PALLD: variants seen among roughly 807,000 people sequenced by gnomAD.
PALLD encodes palladin.
In PALLD, 61 loss-of-function variants were observed where a neutral mutation model predicts 123.5. The ratio of observed to expected loss-of-function variants is 0.49; its 90% confidence interval spans 0.40 to 0.61. The LOEUF is 0.61. Among genes scored for constraint, PALLD ranks in the 20% least tolerant of loss-of-function variants. The pLI, the probability that PALLD is intolerant of heterozygous loss-of-function variation, is 0.00. For synonymous variants in PALLD, 465 were observed against 496.4 expected (o/e 0.94, Z 0.84); for missense variants, 1,273 against 1,377.0 (o/e 0.92, Z 1.20).
At chr4:168,499,035 T>C (rs1761044633) in intron 1 of PALLD, among the ~76,000 whole-genome samples, 2 of 151,774 alleles carry the variant, frequency 1.3e-5, no homozygotes, top group South Asian at 4.1e-4. Context: ...TCTGCCTGCA[T>C]TGACAATTTA....
intron 10 of PALLD, among the ~76,000 whole-genome samples, chr4:168,753,394 C>T (rs1365542066): frequency 6.6e-6 from 1 of 151,720 alleles, no homozygotes; most frequent in Admixed American, 6.6e-5. Context: ...CTCTCTCCCC[C>T]GACCCTCTCC....
At chr4:168,760,578 C>T (rs1392526071) in intron 10 of PALLD, among the ~76,000 whole-genome samples, 2 of 152,164 alleles carry the variant, frequency 1.3e-5, no homozygotes, top group Non-Finnish European at 2.9e-5. Flanking sequence ...AGTCTCATCC[C>T]TCCAAATTTC....
intron 2 of PALLD, among the ~76,000 whole-genome samples, chr4:168,559,651 C>T (rs1367239577): frequency 6.6e-6 from 1 of 152,120 alleles, no homozygotes; most frequent in East Asian, 1.9e-4. Context: ...AATCTCAGCA[C>T]TTTGAGAGGC....
At chr4:168,817,069 T>C (rs1742075794) in intron 10 of PALLD, among the ~76,000 whole-genome samples, 1 of 152,126 alleles carries the variant, frequency 6.6e-6, no homozygotes, top group African/African-American at 2.4e-5. Context: ...GGGCAAAGGA[T>C]TTTTGTTTTA....
chr4:168,758,029 C>T (rs1023674339), intron 10 of PALLD, among the ~76,000 whole-genome samples: 3 of 152,284 alleles, frequency 2.0e-5, no homozygotes, highest in Non-Finnish European at 4.4e-5. Flanking sequence ...TGAGATCACG[C>T]AACTACACTC....
chr4:168,734,770 G>A (rs1787560619), intron 10 of PALLD, among the ~76,000 whole-genome samples: 1 of 152,082 alleles, frequency 6.6e-6, no homozygotes, highest in African/African-American at 2.4e-5. Flanking sequence ...AGAGAAGGAG[G>A]AGGAGGAGCC....
intron 2 of PALLD, among the ~76,000 whole-genome samples, chr4:168,579,730 GA>G (rs1770037582): frequency 6.6e-6 from 1 of 151,986 alleles, no homozygotes; most frequent in South Asian, 2.1e-4. Context: ...TGACATGTAA[GA>G]CATAATTTTT....
chr4:168,822,228 A>G (rs2150800418), intron 10 of PALLD, among the ~76,000 whole-genome samples: 1 of 121,048 alleles, frequency 8.3e-6, no homozygotes, highest in Non-Finnish European at 1.6e-5. Flanking sequence ...TAGCTTAGGA[A>G]TTGTTTTACA....
intron 3 of PALLD, among the ~76,000 whole-genome samples, chr4:168,672,682 T>A (rs1224935605): frequency 6.6e-6 from 1 of 152,068 alleles, no homozygotes; most frequent in African/African-American, 2.4e-5. Flanking sequence ...ATGGTCTTGA[T>A]CTCCTGACCT....
chr4:168,703,139 A>G (rs1303961385), intron 8 of PALLD, among the ~76,000 whole-genome samples: 4 of 142,816 alleles, frequency 2.8e-5, no homozygotes, highest in Middle Eastern at 3.3e-3. Context: ...GTTCCCACCT[A>G]TGAGTGAGAA....
chr4:168,896,525 A>C, intron 12 of PALLD, 24 bp from the exon 13 acceptor site: 3 of 1,360,028 alleles, frequency 2.2e-6, no homozygotes, highest in Non-Finnish European at 3.0e-6. Flanking sequence ...ATTAGTCTTC[A>C]CATCTTTTTT....
At chr4:168,801,352 C>G (rs562443442) in intron 10 of PALLD, among the ~76,000 whole-genome samples, 1 of 152,210 alleles carries the variant, frequency 6.6e-6, no homozygotes, top group South Asian at 2.1e-4. Context: ...GATCTTGGCT[C>G]ACTGCAACCT....
At chr4:168,912,696 T>C (rs538124704) in intron 15 of PALLD, among the ~76,000 whole-genome samples, 1 of 152,352 alleles carries the variant, frequency 6.6e-6, no homozygotes, top group Admixed American at 6.5e-5. Context: ...GTAATTAGCA[T>C]ATCTGTCACC....
intron 2 of PALLD, among the ~76,000 whole-genome samples, chr4:168,626,714 G>GAA (rs767084915): frequency 7.0e-5 from 7 of 100,378 alleles, no homozygotes; most frequent in African/African-American, 1.5e-4. Flanking sequence ...CTGCCTCCAG[G>GAA]AAAAAAAAAA....
intron 10 of PALLD, among the ~76,000 whole-genome samples, chr4:168,797,321 T>C (rs1479513153): frequency 2.0e-5 from 3 of 152,136 alleles, no homozygotes; most frequent in Non-Finnish European, 4.4e-5. Flanking sequence ...CCAAATACTA[T>C]GTAGCAATAT....
intron 8 of PALLD, among the ~76,000 whole-genome samples, chr4:168,705,934 C>T (rs187849959): frequency 6.0e-4 from 91 of 152,262 alleles, no homozygotes; most frequent in Non-Finnish European, 1.2e-3. Flanking sequence ...TGAGCCACTG[C>T]GCCTGGCCTT....
intron 15 of PALLD, among the ~76,000 whole-genome samples, chr4:168,905,790 C>CTTTTTTTTTTTTTTTT (rs59427697): frequency 1.7e-4 from 19 of 113,128 alleles, no homozygotes; most frequent in Admixed American, 2.1e-4. Context: ...GCTTTTTTTT[C>CTTTTTTTTTTTTTTTT]TTTTTTTTTT....
intron 15 of PALLD, among the ~76,000 whole-genome samples, chr4:168,906,714 T>C (rs572614828): frequency 2.6e-5 from 4 of 152,310 alleles, no homozygotes; most frequent in African/African-American, 9.6e-5. Flanking sequence ...AGCTTAGAAC[T>C]CTTGGGCTCA....
Position 168,512,006 on chromosome 4 carries a change from CTG to C in PALLD, c.507_508del (p.Cys169Ter). ...HQRKGGPQSQLCDKAANLIEE... is the reference protein window; with the variant it reads ...HQRKGGPQSQXCDKAANLIEE... ...AAGAAAGGGTGGCCCCCAGAGCCAG[CTG>C]TGTGACAAGGCAGCTAATTTAATTG... On this transcript the variant is annotated frameshift_variant, in exon 2 of 22. Transcript: ENST00000505667. LOFTEE classifies it high-confidence loss of function. The C allele has an allele frequency of 6.2e-7, 1 of 1,614,224 alleles. No homozygotes were observed. Among genetic ancestry groups the C allele is most frequent in the Non-Finnish European group, 8.5e-7 (1 of 1,180,040 alleles).
Sources: allele counts gnomAD v4.1 joint callset (sites outside exome capture counted in the v4.1 genomes callset), GRCh38; gene constraint gnomAD v4.1.1; transcripts MANE v1.5; gene names NCBI Gene and HGNC (gene_info 2026-07-23, HGNC 2026-07-21).